The following CSNK2A2IP variants were observed in gnomAD, a reference collection of about 807,000 sequenced individuals.
CSNK2A2IP encodes the protein casein kinase II subunit alpha'-interacting protein.
chr3:88,463,028 T>C, the CSNK2A2IP span, among the ~76,000 whole-genome samples: 1 of 152,184 alleles, frequency 6.6e-6, no homozygotes, highest in Admixed American at 6.5e-5. Context: ...AAGAAAAAGT[T>C]ACTATGGGAA....
chr3:88,439,008 T>G, the CSNK2A2IP span, among the ~76,000 whole-genome samples: 2 of 152,266 alleles, frequency 1.3e-5, no homozygotes, highest in South Asian at 4.1e-4. Flanking sequence ...TAGGCCTTTT[T>G]CTCTAGCCTG....
At chr3:88,423,214 A>G in the CSNK2A2IP span, among the ~76,000 whole-genome samples, 1 of 152,200 alleles carries the variant, frequency 6.6e-6, no homozygotes, top group South Asian at 2.1e-4. Context: ...TTCATTTATC[A>G]TTTTTTAAAT....
At chr3:88,433,807 A>G in the CSNK2A2IP span, among the ~76,000 whole-genome samples, 6 of 152,090 alleles carry the variant, frequency 3.9e-5, no homozygotes, top group South Asian at 1.2e-3. Context: ...TTGGATGCTG[A>G]TCTTGATTAC....
At chr3:88,392,962 G>A in the CSNK2A2IP span, among the ~76,000 whole-genome samples, 1 of 152,132 alleles carries the variant, frequency 6.6e-6, no homozygotes. Context: ...AGGGAAGGGT[G>A]AAACAACTGG....
At chr3:88,339,183 T>C in the CSNK2A2IP span, among the ~76,000 whole-genome samples, 1 of 152,054 alleles carries the variant, frequency 6.6e-6, no homozygotes, top group Non-Finnish European at 1.5e-5. Context: ...TTCATACCCA[T>C]TAACAATCCT....
the CSNK2A2IP span, among the ~76,000 whole-genome samples, chr3:88,362,126 G>C: frequency 6.6e-6 from 1 of 151,974 alleles, no homozygotes; most frequent in South Asian, 2.1e-4. Context: ...TGTTTGGAGA[G>C]GTCATGTTTT....
the CSNK2A2IP span, among the ~76,000 whole-genome samples, chr3:88,428,164 G>A: frequency 6.6e-6 from 1 of 152,144 alleles, no homozygotes; most frequent in Non-Finnish European, 1.5e-5. Flanking sequence ...TGGCTGCCCC[G>A]CTGGATTTTA....
chr3:88,445,167 A>G, the CSNK2A2IP span, among the ~76,000 whole-genome samples: 1 of 150,850 alleles, frequency 6.6e-6, no homozygotes, highest in African/African-American at 2.4e-5. Flanking sequence ...CAATATTCTA[A>G]AATGTAGTTT....
chr3:88,453,632 A>G, the CSNK2A2IP span, among the ~76,000 whole-genome samples: 110 of 152,148 alleles, frequency 7.2e-4, no homozygotes, highest in African/African-American at 2.6e-3. Context: ...AAAACAAAGC[A>G]TTTGCCTCAT....
At chr3:88,346,531 A>C in the CSNK2A2IP span, among the ~76,000 whole-genome samples, 1 of 151,982 alleles carries the variant, frequency 6.6e-6, no homozygotes, top group South Asian at 2.1e-4. Context: ...AGAGCCCTTA[A>C]TAATTATGCT....
the CSNK2A2IP span, among the ~76,000 whole-genome samples, chr3:88,365,177 T>A: frequency 2.0e-5 from 3 of 152,108 alleles, no homozygotes; most frequent in African/African-American, 7.2e-5. Flanking sequence ...ACAAGACAGC[T>A]GGAAGGATTA....
At chr3:88,441,222 T>G in the CSNK2A2IP span, among the ~76,000 whole-genome samples, 1 of 152,168 alleles carries the variant, frequency 6.6e-6, no homozygotes, top group African/African-American at 2.4e-5. Flanking sequence ...GTTTTTTAAC[T>G]GTTGCCAAGA....
At chr3:88,410,587 C>T in the CSNK2A2IP span, among the ~76,000 whole-genome samples, 1 of 152,040 alleles carries the variant, frequency 6.6e-6, no homozygotes, top group Non-Finnish European at 1.5e-5. Flanking sequence ...TGGTTATTAT[C>T]TTTAAAACTT....
chr3:88,369,285 G>A, the CSNK2A2IP span, among the ~76,000 whole-genome samples: 1 of 151,890 alleles, frequency 6.6e-6, no homozygotes, highest in Non-Finnish European at 1.5e-5. Context: ...TGCTGTAGTT[G>A]AAGGAAAAAT....
the CSNK2A2IP span, among the ~76,000 whole-genome samples, chr3:88,402,993 G>A: frequency 6.6e-6 from 1 of 152,002 alleles, no homozygotes; most frequent in African/African-American, 2.4e-5. Flanking sequence ...AAATTAAAGG[G>A]CCATCTTTAA....
At chr3:88,396,174 G>C in the CSNK2A2IP span, among the ~76,000 whole-genome samples, 4 of 146,928 alleles carry the variant, frequency 2.7e-5, no homozygotes, top group Non-Finnish European at 4.5e-5. Context: ...GCGCAATCTC[G>C]GCTCACTGCA....
At chr3:88,370,540 C>T in the CSNK2A2IP span, among the ~76,000 whole-genome samples, 2 of 151,814 alleles carry the variant, frequency 1.3e-5, no homozygotes, top group African/African-American at 4.8e-5. Flanking sequence ...CACTTCATGG[C>T]CTTCCCTGGC....
chr3:88,466,802 G>C, the CSNK2A2IP span: 1 of 865,760 alleles, frequency 1.2e-6, no homozygotes, highest in East Asian at 3.3e-5. Context: ...TGTGCTTCCT[G>C]CCTAAAATCT....
At chr3:88,357,786 G>C in the CSNK2A2IP span, among the ~76,000 whole-genome samples, 1 of 150,600 alleles carries the variant, frequency 6.6e-6, no homozygotes, top group African/African-American at 2.4e-5. Flanking sequence ...ATGGGGTCTG[G>C]CTCTGTCACC....
Sources: gnomAD v4.1 joint callset for allele counts (sites outside exome capture counted in the v4.1 genomes callset) on GRCh38, gnomAD v4.1.1 for gene constraint, MANE v1.5 for transcripts, NCBI Gene and HGNC (gene_info 2026-07-23, HGNC 2026-07-21) for gene names.